EDA: variants seen among roughly 807,000 people sequenced by gnomAD.
EDA encodes the protein ectodysplasin-A.
A neutral mutation model predicts 23.6 loss-of-function variants in EDA; 2 were observed. That is an observed-to-expected ratio of 0.08 (90% confidence interval 0.03 to 0.27). The LOEUF (loss-of-function observed/expected upper bound fraction) is 0.27. EDA is among the 10% of genes least tolerant of loss of function. EDA has a pLI of 1.00. For missense variants in EDA, 229 were observed against 324.2 expected, an observed-to-expected ratio of 0.71 and a Z score of 2.26; for synonymous variants, 131 against 132.0, an observed-to-expected ratio of 0.99 and a Z score of 0.05.
intron 1 of EDA, among the ~76,000 whole-genome samples, chrX:69,816,131 A>G (rs2016076362): frequency 8.9e-6 from 1 of 111,931 alleles, no homozygotes; most frequent in South Asian, 3.8e-4. Context: ...GACTGTTAAA[A>G]TAAAAACAAA....
At chrX:69,919,002 A>C (rs955937241) in intron 1 of EDA, among the ~76,000 whole-genome samples, 7 of 110,730 alleles carry the variant, frequency 6.3e-5, no homozygotes, top group African/African-American at 1.3e-4. Flanking sequence ...AAAAAAAAAA[A>C]CTCTTGGGTG....
chrX:69,667,125 T>TC (rs1334078495), intron 1 of EDA, among the ~76,000 whole-genome samples: 1 of 65,651 alleles, frequency 1.5e-5, no homozygotes, highest in African/African-American at 5.9e-5. Context: ...TTTTCTTTTT[T>TC]TTTTTTTTTT....
At chrX:70,027,784 C>G in intron 3 of EDA, 73 bp from the exon 4 acceptor site, 1 of 529,603 alleles carries the variant, frequency 1.9e-6, no homozygotes, top group Non-Finnish European at 3.4e-6. Flanking sequence ...GATCGTGCCA[C>G]TGAACTCCAG....
At chrX:69,640,328 A>C (rs1377751798) in intron 1 of EDA, among the ~76,000 whole-genome samples, 3 of 112,208 alleles carry the variant, frequency 2.7e-5, no homozygotes, top group African/African-American at 9.7e-5. Context: ...GTAAGAATTA[A>C]ATGAAATAAT....
intron 1 of EDA, among the ~76,000 whole-genome samples, chrX:69,784,786 G>A (rs1460928568): frequency 9.4e-6 from 1 of 106,217 alleles, no homozygotes; most frequent in African/African-American, 3.4e-5. Flanking sequence ...CTCTTTTTTG[G>A]TTCCATATGA....
At chrX:69,624,948 T>C (rs1932327931) in intron 1 of EDA, among the ~76,000 whole-genome samples, 1 of 111,218 alleles carries the variant, frequency 9.0e-6, no homozygotes, top group African/African-American at 3.3e-5. Context: ...TTCAAACATA[T>C]ATCATTTATA....
At chrX:69,828,618 A>G (rs1406592090) in intron 1 of EDA, among the ~76,000 whole-genome samples, 1 of 112,221 alleles carries the variant, frequency 8.9e-6, no homozygotes, top group Non-Finnish European at 1.9e-5. Flanking sequence ...CCCTAGTGAG[A>G]TGAAACCAGT....
chrX:69,635,566 CTTTTTTTT>C (rs138087284), intron 1 of EDA, among the ~76,000 whole-genome samples: 9 of 63,432 alleles, frequency 1.4e-4, no homozygotes, highest in Non-Finnish European at 7.9e-5. Flanking sequence ...AACACCAAAT[CTTTTTTTT>C]TTTTTTTTTT....
At chrX:69,778,437 A>G (rs1014968162) in intron 1 of EDA, among the ~76,000 whole-genome samples, 4 of 111,845 alleles carry the variant, frequency 3.6e-5, no homozygotes, top group Admixed American at 2.9e-4. Flanking sequence ...AAGGTTTAAG[A>G]GTCTGAATGC....
chrX:69,723,267 A>G (rs1352436015), intron 1 of EDA, among the ~76,000 whole-genome samples: 1 of 112,190 alleles, frequency 8.9e-6, no homozygotes, highest in Admixed American at 9.5e-5. Flanking sequence ...TTAACCATCC[A>G]TAAATATTTC....
At chrX:69,665,580 C>T (rs1933655217) in intron 1 of EDA, among the ~76,000 whole-genome samples, 1 of 111,322 alleles carries the variant, frequency 9.0e-6, no homozygotes, top group South Asian at 3.8e-4. Context: ...CCATTGTGTT[C>T]TCTTGGTGCC....
chrX:69,675,381 C>A (rs1192696366), intron 1 of EDA, among the ~76,000 whole-genome samples: 1 of 111,705 alleles, frequency 9.0e-6, no homozygotes, highest in Non-Finnish European at 1.9e-5. Flanking sequence ...CATTAGTGTT[C>A]AATATTGTAT....
rs932957108 is a variant in EDA at position 70,039,089 on chromosome X, A to C, written c.*3480A>C. ...GCATTCTCCCAGCTCTAGCCTCTGG[A>C]CTGGAAAGCACAAGACTGGCCCAGT... is the stretch of plus-strand genomic sequence containing the variant. On this transcript the variant is annotated 3_prime_UTR_variant, in exon 8 of 8. Coordinates refer to ENST00000374552, the MANE Select transcript of EDA (RefSeq NM_001399.5). 1 of 112,600 alleles carries C rather than the reference A, an allele frequency of 8.9e-6. No individual in the cohort carries two copies. Among genetic ancestry groups the C allele is most frequent in the African/African-American group, 3.2e-5 (1 of 30,914 alleles). 9.3% of individuals were successfully genotyped at this position (112,600 alleles called of 1,213,427 possible). A position where few individuals can be genotyped will look rare whatever the true frequency, so the allele number is the denominator to read the frequency against.
intron 1 of EDA, among the ~76,000 whole-genome samples, chrX:69,644,682 G>T (rs2147234105): frequency 9.0e-6 from 1 of 111,411 alleles, no homozygotes; most frequent in Non-Finnish European, 1.9e-5. Flanking sequence ...GGGTATCCTT[G>T]TCTTGTGCCA....
At chrX:69,803,690 C>G (rs2015748552) in intron 1 of EDA, among the ~76,000 whole-genome samples, 1 of 110,433 alleles carries the variant, frequency 9.1e-6, no homozygotes, top group Non-Finnish European at 1.9e-5. Context: ...CTCCCTTTAG[C>G]TATTTGAAAC....
intron 1 of EDA, among the ~76,000 whole-genome samples, chrX:69,952,566 C>T (rs1004532282): frequency 1.8e-5 from 2 of 112,036 alleles, no homozygotes; most frequent in Non-Finnish European, 3.8e-5. Flanking sequence ...ACAGCCAAAC[C>T]ATGAACTATG....
rs181087626 is a variant in EDA, at chrX:69,801,433, G to A, written c.397-155594G>A. On this transcript the variant is annotated intron_variant, in intron 1 of 7. Coordinates refer to ENST00000374552, the MANE Select transcript of EDA (RefSeq NM_001399.5). Reference sequence around the variant, plus strand: ...TCCTCCCACCTTAGCCTCCCAAAGTGCTGGGATTTTAGGCATGAACCACTC... The same window carrying A: ...TCCTCCCACCTTAGCCTCCCAAAGTACTGGGATTTTAGGCATGAACCACTC... 5.7e-3 allele frequency among the ~76,000 whole-genome samples: 634 copies of A among 110,506 alleles called. 4 individuals carry two copies. The highest frequency in any genetic ancestry group is 9.5e-3 in the Non-Finnish European group (503 of 52,779).
At chrX:69,858,377 C>T (rs1025610935) in intron 1 of EDA, among the ~76,000 whole-genome samples, 1 of 111,622 alleles carries the variant, frequency 9.0e-6, no homozygotes, top group Non-Finnish European at 1.9e-5. Context: ...ATAGATGGCT[C>T]TTATTATTTT....
chrX:69,880,353 C>A (rs1171402873), intron 1 of EDA, among the ~76,000 whole-genome samples: 1 of 112,116 alleles, frequency 8.9e-6, no homozygotes, highest in Non-Finnish European at 1.9e-5. Flanking sequence ...CAGAGCCAGA[C>A]CATGACCAGG....
Sources: allele counts gnomAD v4.1 joint callset (sites outside exome capture counted in the v4.1 genomes callset), GRCh38; gene constraint gnomAD v4.1.1; transcripts MANE v1.5; gene names NCBI Gene and HGNC (gene_info 2026-07-23, HGNC 2026-07-21).